PIEZO2: variants seen among roughly 807,000 people sequenced by gnomAD.
PIEZO2 encodes piezo-type mechanosensitive ion channel component 2.
Under a neutral mutation model 337.3 loss-of-function variants are expected in PIEZO2, and 172 were observed. That is an observed-to-expected ratio of 0.51 (90% confidence interval 0.45 to 0.58). PIEZO2 has a LOEUF of 0.58. Ranked by LOEUF, PIEZO2 falls within the 20% of genes least tolerant of loss-of-function variation. PIEZO2 has a pLI of 0.00. For missense variants in PIEZO2, 3,028 were observed against 3,391.3 expected, an observed-to-expected ratio of 0.89 and a Z score of 2.66; for synonymous variants, 1,251 against 1,228.5, an observed-to-expected ratio of 1.02 and a Z score of -0.38.
At chr18:10,831,022 TA>T in intron 7 of PIEZO2, among the ~76,000 whole-genome samples, 1 of 151,866 alleles carries the variant, frequency 6.6e-6, no homozygotes, top group South Asian at 2.1e-4. Flanking sequence ...ACAAAGGCAA[TA>T]AAAAGTGCTA....
In PIEZO2 at chr18:11,047,411, C is replaced by G. The variant is rs2037354518; in HGVS notation, c.160+18716G>C. Among the ~76,000 whole-genome samples, 1 of 152,152 alleles carries G rather than the reference C, an allele frequency of 6.6e-6. No individual in the cohort carries two copies. Among genetic ancestry groups the G allele is most frequent in the Non-Finnish European group, 1.5e-5 (1 of 68,032 alleles). ...GCAGCAAAGGCTCCTGCCTATCCCA[C>G]AAGACGGCCCGGGGGAATTGTCCAA... On this transcript the variant is annotated intron_variant, in intron 2 of 55. Transcript: ENST00000674853. The surrounding 1 kb of genome is among the most constrained non-coding windows in gnomAD (Gnocchi z 7.2).
intron 3 of PIEZO2, among the ~76,000 whole-genome samples, chr18:10,913,984 T>C (rs1402494730): frequency 1.3e-5 from 2 of 152,204 alleles, no homozygotes; most frequent in African/African-American, 2.4e-5. Flanking sequence ...GATTTTTATG[T>C]CTTTTGTGAG....
intron 35 of PIEZO2, among the ~76,000 whole-genome samples, 111 bp downstream of exon 35, chr18:10,735,121 G>T (rs752766560): frequency 6.6e-6 from 1 of 151,970 alleles, no homozygotes; most frequent in Non-Finnish European, 1.5e-5. Flanking sequence ...TTCCTTCATG[G>T]TACCATCTAT....
chr18:10,911,420 A>C (rs2030466480), intron 3 of PIEZO2, among the ~76,000 whole-genome samples, 192 bp from the exon 4 acceptor site: 1 of 142,724 alleles, frequency 7.0e-6, no homozygotes, highest in Non-Finnish European at 1.5e-5. Context: ...AAAAGTCCGC[A>C]TATACAGAAG....
At chr18:11,133,499 CAATT>C (rs1568402830) in intron 1 of PIEZO2, among the ~76,000 whole-genome samples, 1 of 152,096 alleles carries the variant, frequency 6.6e-6, no homozygotes, top group Admixed American at 6.6e-5. Flanking sequence ...AAGAGATTAA[CAATT>C]AACATTTGAG....
At chr18:10,994,997 G>A (rs896800666) in intron 2 of PIEZO2, among the ~76,000 whole-genome samples, 3 of 149,954 alleles carry the variant, frequency 2.0e-5, no homozygotes, top group Admixed American at 6.7e-5. Flanking sequence ...GCTTGAACCC[G>A]GGAGGCGGAG....
At chr18:11,082,565 C>G (rs2038786053) in intron 1 of PIEZO2, among the ~76,000 whole-genome samples, 1 of 152,208 alleles carries the variant, frequency 6.6e-6, no homozygotes, top group Non-Finnish European at 1.5e-5. Context: ...GATCTGCCTG[C>G]CTTGGCCTCC....
chr18:10,762,455 A>G, intron 23 of PIEZO2, 45 bp downstream of exon 23: 1 of 1,526,468 alleles, frequency 6.6e-7, no homozygotes, highest in Non-Finnish European at 8.7e-7. Context: ...CTGAACTATT[A>G]TATAACGGAG....
chr18:10,937,611 C>T lies in PIEZO2; in HGVS notation c.287-26383G>A, dbSNP rs376838562. On this transcript the variant is annotated intron_variant, in intron 3 of 55. Coordinates refer to ENST00000674853, the MANE Select transcript of PIEZO2 (RefSeq NM_001378183.1). ...AGGTGAAAGCAATGAAAAAACAGAC[C>T]CTATATTAAAACATCAAGCTGGATT... Among the ~76,000 whole-genome samples the T allele has an allele frequency of 1.8e-4, 28 of 152,208 alleles. No individual in the cohort carries two copies. The South Asian group carries it at 4.8e-3, about 26-fold the overall frequency.
At chr18:10,690,360 T>G (rs2034757246) in intron 48 of PIEZO2, among the ~76,000 whole-genome samples, 1 of 152,176 alleles carries the variant, frequency 6.6e-6, no homozygotes. Flanking sequence ...TCCTCCAGGC[T>G]CTGAAGAATT....
At position 11,040,426 on chromosome 18, in the gene PIEZO2, T is replaced by C. The variant is rs1180094830; in HGVS notation, c.160+25701A>G. On this transcript the variant is annotated intron_variant, in intron 2 of 55. Transcript: ENST00000674853. ...AATGACTAAATTGATCAGAACATAATCAGGGTTTTAACTGTCATCTTCACT... is the reference window on the plus strand; with the variant it reads ...AATGACTAAATTGATCAGAACATAACCAGGGTTTTAACTGTCATCTTCACT... 2.0e-5 allele frequency among the ~76,000 whole-genome samples: 3 copies of C among 152,172 alleles called. No individual in the cohort carries two copies. In the East Asian group the frequency reaches 5.8e-4, roughly 29 times the overall value.
chr18:10,800,789 A>G (rs2039785910), intron 10 of PIEZO2, among the ~76,000 whole-genome samples: 1 of 152,004 alleles, frequency 6.6e-6, no homozygotes, highest in Admixed American at 6.5e-5. Flanking sequence ...GGCCTTCAAG[A>G]TTTGGTCTGA....
chr18:10,929,893 A>G lies in PIEZO2; in HGVS notation c.287-18665T>C, dbSNP rs75823582. On this transcript the variant is annotated intron_variant, in intron 3 of 55. Transcript: ENST00000674853. The surrounding 1 kb of genome is among the most constrained non-coding windows in gnomAD (Gnocchi z 5.6). ...CAGCCCAGGAGGCCCAAAGAAGCCT[A>G]AAAAACCAGTTCAGACAATGACAGG... Among the ~76,000 whole-genome samples, 2,405 of 152,286 alleles carry G rather than the reference A, an allele frequency of 0.016. 50 individuals are homozygous for G. Among genetic ancestry groups the G allele is most frequent in the African/African-American group, 0.044 (1,826 of 41,536 alleles).
intron 7 of PIEZO2, among the ~76,000 whole-genome samples, chr18:10,826,770 C>T (rs2040689246): frequency 1.3e-5 from 2 of 152,192 alleles, no homozygotes; most frequent in Non-Finnish European, 2.9e-5. Flanking sequence ...TGGGTTTTGA[C>T]GAATGTATAG....
chr18:11,058,366 A>C (rs1206629182), intron 2 of PIEZO2, among the ~76,000 whole-genome samples: 1 of 152,174 alleles, frequency 6.6e-6, no homozygotes, highest in East Asian at 1.9e-4. Flanking sequence ...AAATCAGAGC[A>C]CCTCTCCTCC....
intron 13 of PIEZO2, among the ~76,000 whole-genome samples, chr18:10,793,471 T>A (rs139018401): frequency 3.0e-4 from 45 of 152,328 alleles, no homozygotes; most frequent in African/African-American, 1.0e-3. Flanking sequence ...TAAAGAACTG[T>A]TAATTTTAGA....
chr18:11,022,533 G>A (rs1271551262), intron 2 of PIEZO2, among the ~76,000 whole-genome samples: 1 of 152,140 alleles, frequency 6.6e-6, no homozygotes, highest in Non-Finnish European at 1.5e-5. Flanking sequence ...GCTGGCAGAT[G>A]GGCTCTCCTC....
At chr18:10,868,517 CAAT>C (rs2042061221) in intron 5 of PIEZO2, among the ~76,000 whole-genome samples, 1 of 151,998 alleles carries the variant, frequency 6.6e-6, no homozygotes, top group Admixed American at 6.6e-5. Context: ...GAATAAAAAT[CAAT>C]GATGTAAAAT....
At chr18:10,827,424 A>G (rs1440221701) in intron 7 of PIEZO2, among the ~76,000 whole-genome samples, 1 of 152,126 alleles carries the variant, frequency 6.6e-6, no homozygotes, top group African/African-American at 2.4e-5. Context: ...CACTTTTTAA[A>G]TCATACATTT....
Sources: allele counts gnomAD v4.1 joint callset (sites outside exome capture counted in the v4.1 genomes callset), GRCh38; gene constraint gnomAD v4.1.1; non-coding constraint Gnocchi (gnomAD v3.1); transcripts MANE v1.5; gene names NCBI Gene and HGNC (gene_info 2026-07-23, HGNC 2026-07-21).